The following SCMH1 variants were observed in gnomAD, a reference collection of about 807,000 sequenced individuals.
SCMH1 encodes Scm polycomb group protein homolog 1.
In SCMH1, 37 loss-of-function variants were observed where a neutral mutation model predicts 70.8. That is an observed-to-expected ratio of 0.52 (90% confidence interval 0.40 to 0.69). SCMH1 has a LOEUF of 0.69. Ranked by LOEUF, SCMH1 falls within the 30% of genes least tolerant of loss-of-function variation. The pLI is 0.00. For missense variants in SCMH1, 607 were observed against 827.3 expected (o/e 0.73, Z 3.27); for synonymous variants, 292 against 307.4 (o/e 0.95, Z 0.52).
At chr1:41,211,481 G>A (rs554293763) in intron 1 of SCMH1, among the ~76,000 whole-genome samples, 21 of 152,232 alleles carry the variant, frequency 1.4e-4, no homozygotes, top group South Asian at 1.2e-3. Context: ...ACCATCTCAC[G>A]CCAGTTAGAA....
At chr1:41,161,178 TAG>T (rs1645994070) in intron 3 of SCMH1, among the ~76,000 whole-genome samples, 184 bp downstream of exon 3, 1 of 152,276 alleles carries the variant, frequency 6.6e-6, no homozygotes, top group Non-Finnish European at 1.5e-5. Context: ...ACTCAGAATC[TAG>T]GTTTCCTATT....
rs531594580 is a variant in SCMH1 at position 41,105,997 on chromosome 1, C to G, written c.745+7286G>C. Among the ~76,000 whole-genome samples, 164 of 151,644 alleles carry G rather than the reference C, an allele frequency of 1.1e-3. 4 individuals are homozygous for G. Among genetic ancestry groups the G allele is most frequent in the African/African-American group, 3.8e-3 (156 of 41,092 alleles). On this transcript the variant is annotated intron_variant, in intron 8 of 14. Transcript: ENST00000337495. ...TCAAGCGATTCTCCTGCCTCAGCCT[C>G]CCTAGTAGCTGTGATTACAGGTGCA...
In SCMH1 at chr1:41,113,319, A is replaced by G. The variant is rs1164925611; in HGVS notation, c.709T>C (p.Leu237=). 1.9e-6 allele frequency: 3 copies of G among 1,613,768 alleles called. No homozygotes were observed. The highest frequency in any genetic ancestry group is 2.7e-5 in the African/African-American group (2 of 74,836). ...GGAGGCTGCAGGTTGTCTCCAGTCA[A>G]GGAACACCAGCCCACAGGGAAGATG... Residue 237 remains leucine (L), a synonymous_variant, in exon 8 of 15, where the codon TTG becomes CTG. Transcript: ENST00000337495. This position sits in a 1 kb window ranked among gnomAD's most constrained non-coding sequence, Gnocchi z 4.3.
chr1:41,130,212 A>T (rs1442479113), intron 6 of SCMH1, among the ~76,000 whole-genome samples: 1 of 152,050 alleles, frequency 6.6e-6, no homozygotes, highest in East Asian at 1.9e-4. Flanking sequence ...TTTATTTTTA[A>T]TTTTTTAAAT....
chr1:41,051,657 C>A (rs931670394), intron 10 of SCMH1, among the ~76,000 whole-genome samples: 1 of 151,782 alleles, frequency 6.6e-6, no homozygotes, highest in African/African-American at 2.4e-5. Context: ...TAAAATAAAT[C>A]TAGAAGTTTT....
chr1:41,068,407 GA>G (rs1655394690), intron 10 of SCMH1, among the ~76,000 whole-genome samples: 2 of 150,956 alleles, frequency 1.3e-5, no homozygotes, highest in South Asian at 4.3e-4. Flanking sequence ...ATTGATTAAA[GA>G]ATTTTTTTTT....
chr1:41,038,337 C>A (rs1259284301), intron 12 of SCMH1, among the ~76,000 whole-genome samples: 1 of 152,228 alleles, frequency 6.6e-6, no homozygotes, highest in Non-Finnish European at 1.5e-5. Flanking sequence ...AAGCAGATTC[C>A]TCATGACTGG....
At chr1:41,075,345 C>T (rs1395759806) in exon 9 of SCMH1, 2 of 1,613,994 alleles carry the variant, frequency 1.2e-6, no homozygotes, top group Non-Finnish European at 1.7e-6. Flanking sequence ...CTGGTTTACG[C>T]CCCCTCTGCC....
At chr1:41,128,673 T>A (rs1673845858) in intron 6 of SCMH1, among the ~76,000 whole-genome samples, 1 of 152,162 alleles carries the variant, frequency 6.6e-6, no homozygotes, top group Non-Finnish European at 1.5e-5. Context: ...TCATTGAGCT[T>A]CTCTGATTTG....
intron 8 of SCMH1, among the ~76,000 whole-genome samples, chr1:41,081,110 C>G (rs536705671): frequency 5.9e-5 from 9 of 152,070 alleles, no homozygotes; most frequent in African/African-American, 1.7e-4. Context: ...CTCTAAATAG[C>G]AACAATTTGA....
rs115927102 is a variant in SCMH1, at chr1:41,121,655, A to C, written c.413-4645T>G. Among the ~76,000 whole-genome samples the C allele has an allele frequency of 2.4e-3, 367 of 152,262 alleles. 2 individuals carry two copies. Among genetic ancestry groups the C allele is most frequent in the African/African-American group, 8.2e-3 (340 of 41,556 alleles). The stretch of plus-strand genomic sequence containing the variant: ...TGTTAAATGATGACTGTCAATTTAT[A>C]TATCTAGCCAAAACCTCTGCTCAGG... On this transcript the variant is annotated intron_variant, in intron 6 of 14. Coordinates refer to ENST00000337495, the Ensembl canonical transcript of SCMH1.
intron 1 of SCMH1, among the ~76,000 whole-genome samples, chr1:41,193,520 G>C (rs1221856867): frequency 6.6e-6 from 1 of 151,652 alleles, no homozygotes; most frequent in Admixed American, 6.6e-5. Flanking sequence ...ACTTTGCCAG[G>C]GGTTGGGGGG....
chr1:41,192,495 G>GACACACATACACAC (rs1553171752), intron 1 of SCMH1, among the ~76,000 whole-genome samples: 4 of 148,646 alleles, frequency 2.7e-5, no homozygotes, highest in Non-Finnish European at 6.0e-5. Flanking sequence ...TTAAATAGGA[G>GACACACATACACAC]ACACACACAC....
intron 2 of SCMH1, among the ~76,000 whole-genome samples, chr1:41,175,555 G>A (rs1271620306): frequency 6.6e-6 from 1 of 152,158 alleles, no homozygotes; most frequent in African/African-American, 2.4e-5. Context: ...TTTTGGGGGA[G>A]AACCCTAATA....
At chr1:41,140,022 T>C (rs761599236) in intron 6 of SCMH1, among the ~76,000 whole-genome samples, 40 of 152,174 alleles carry the variant, frequency 2.6e-4, no homozygotes, top group Non-Finnish European at 3.7e-4. Flanking sequence ...TTATAACACT[T>C]ATTAAGGGTA....
At chr1:41,123,776 T>G (rs1200107622) in intron 6 of SCMH1, among the ~76,000 whole-genome samples, 1 of 152,244 alleles carries the variant, frequency 6.6e-6, no homozygotes, top group East Asian at 1.9e-4. Flanking sequence ...GTTTTATCCT[T>G]GGAGGACTCC....
At chr1:41,155,507 AAAACAAACAAAC>A (rs547168813) in intron 4 of SCMH1, among the ~76,000 whole-genome samples, 2 of 152,084 alleles carry the variant, frequency 1.3e-5, no homozygotes, top group Non-Finnish European at 2.9e-5. Flanking sequence ...ACATGGAGCA[AAAACAAACAAAC>A]AAACAAACAA....
chr1:41,206,353 G>A (rs913960155), intron 1 of SCMH1, among the ~76,000 whole-genome samples: 1 of 152,160 alleles, frequency 6.6e-6, no homozygotes, highest in Non-Finnish European at 1.5e-5. Flanking sequence ...GACCTTAAAC[G>A]ACCTGATGGA....
intron 9 of SCMH1, among the ~76,000 whole-genome samples, chr1:41,073,068 T>TC (rs1483615451): frequency 6.6e-6 from 1 of 152,172 alleles, no homozygotes; most frequent in Non-Finnish European, 1.5e-5. Flanking sequence ...GTTCAAGACT[T>TC]CCTGAGGGAG....
Sources: gnomAD v4.1 joint callset for allele counts (sites outside exome capture counted in the v4.1 genomes callset) on GRCh38, gnomAD v4.1.1 for gene constraint, Gnocchi (gnomAD v3.1) non-coding constraint, MANE v1.5 for transcripts, NCBI Gene and HGNC (gene_info 2026-07-23, HGNC 2026-07-21) for gene names.